OR2L13: variants seen among roughly 807,000 people sequenced by gnomAD.
The protein encoded by OR2L13 is olfactory receptor family 2 subfamily L member 13.
A neutral mutation model predicts 15.3 loss-of-function variants in OR2L13; 14 were observed. The observed-to-expected ratio is 0.91, with a 90% CI of 0.60 to 1.43. The LOEUF (loss-of-function observed/expected upper bound fraction) is 1.43, where lower values mean the gene tolerates loss of function less well. OR2L13 is among the 40% of genes most tolerant of loss of function. OR2L13 has a pLI of 0.00. For synonymous variants in OR2L13, 152 were observed against 142.9 expected (o/e 1.06, Z -0.45); for missense variants, 367 against 387.9 (o/e 0.95, Z 0.45).
the OR2L13 span, among the ~76,000 whole-genome samples, chr1:248,010,353 G>T: frequency 2.0e-5 from 3 of 152,036 alleles, no homozygotes; most frequent in Admixed American, 2.0e-4. Flanking sequence ...ATTATGTTGG[G>T]TCAGTTTAAG....
the OR2L13 span, chr1:248,042,141 G>A: frequency 6.6e-6 from 1 of 152,050 alleles, no homozygotes; most frequent in East Asian, 1.9e-4. Context: ...TTAAGAAAAT[G>A]TGGCACATAT....
At chr1:247,953,300 C>T in the OR2L13 span, among the ~76,000 whole-genome samples, 6 of 152,102 alleles carry the variant, frequency 3.9e-5, no homozygotes, top group East Asian at 1.9e-4. Flanking sequence ...GTTATTATTT[C>T]GCACTTCACA....
At chr1:248,069,298 G>A in the OR2L13 span, among the ~76,000 whole-genome samples, 3 of 152,206 alleles carry the variant, frequency 2.0e-5, no homozygotes, top group African/African-American at 7.2e-5. Flanking sequence ...CTTCAAGCCA[G>A]AAGAGAGTGG....
chr1:248,059,466 ATG>A, the OR2L13 span, among the ~76,000 whole-genome samples: 3 of 152,184 alleles, frequency 2.0e-5, no homozygotes, highest in Non-Finnish European at 4.4e-5. Context: ...AAAAGACAAA[ATG>A]TGTAACCTAT....
At chr1:248,099,378 G>A in exon 3 of OR2L13, 1 of 1,597,746 alleles carries the variant, frequency 6.3e-7, no homozygotes, top group Non-Finnish European at 8.6e-7. Flanking sequence ...AAGTTTTCAT[G>A]GAGAAATGGA....
chr1:247,957,792 C>G, the OR2L13 span, among the ~76,000 whole-genome samples: 5 of 151,818 alleles, frequency 3.3e-5, no homozygotes, highest in African/African-American at 9.7e-5. Context: ...GGTGATATAC[C>G]CTTTATCATT....
the OR2L13 span, chr1:248,083,415 G>T: frequency 2.1e-6 from 1 of 485,742 alleles, no homozygotes; most frequent in Non-Finnish European, 3.6e-6. Flanking sequence ...GTTGTTTTAG[G>T]ATACAAAGTA....
the OR2L13 span, among the ~76,000 whole-genome samples, chr1:248,019,010 A>G: frequency 6.6e-6 from 1 of 152,162 alleles, no homozygotes. Flanking sequence ...TAGTCCATGT[A>G]TGTACTCACT....
chr1:248,022,091 C>G, the OR2L13 span: 1 of 1,613,890 alleles, frequency 6.2e-7, no homozygotes, highest in Admixed American at 1.7e-5. Flanking sequence ...TTCTTCTCAT[C>G]TTCTTGGACA....
At chr1:247,951,894 C>T in the OR2L13 span, among the ~76,000 whole-genome samples, 1 of 152,176 alleles carries the variant, frequency 6.6e-6, no homozygotes, top group East Asian at 1.9e-4. Flanking sequence ...CTGTCATCAC[C>T]ATCAATATGA....
chr1:248,095,897 G>A (rs1356587619), upstream of OR2L13, among the ~76,000 whole-genome samples: 2 of 151,260 alleles, frequency 1.3e-5, no homozygotes, highest in East Asian at 2.0e-4. Flanking sequence ...GAGCCACTGC[G>A]CCTGGCCATA....
the OR2L13 span, among the ~76,000 whole-genome samples, chr1:248,082,788 TAA>T: frequency 1.3e-5 from 2 of 152,234 alleles, no homozygotes; most frequent in Non-Finnish European, 2.9e-5. Context: ...CAATTATGTA[TAA>T]GGTTGTTGAG....
In OR2L13 at chr1:248,098,157, T is replaced by C. The variant is rs959039884; in HGVS notation, c.-143-494T>C. 2.0e-5 allele frequency among the ~76,000 whole-genome samples: 3 copies of C among 152,244 alleles called. 1 individual carries two copies. Among genetic ancestry groups the C allele is most frequent in the African/African-American group, 7.2e-5 (3 of 41,462 alleles). On this transcript the variant is annotated intron_variant, in intron 1 of 2. Transcript: ENST00000641714. ...ATCTCTCTGCTTTTTTATTTTTCTA[T>C]AGAATCGTAATCACTACATAACATC...
chr1:248,075,672 T>C, the OR2L13 span, among the ~76,000 whole-genome samples: 3 of 152,242 alleles, frequency 2.0e-5, no homozygotes, highest in Non-Finnish European at 4.4e-5. Context: ...TGTCTGTTCA[T>C]ATCCTTTGCC....
chr1:247,978,760 C>G, the OR2L13 span, among the ~76,000 whole-genome samples: 1 of 152,004 alleles, frequency 6.6e-6, no homozygotes, highest in Non-Finnish European at 1.5e-5. Context: ...TCAGGATCCC[C>G]TCCTCCTCTG....
At chr1:247,959,959 C>T in the OR2L13 span, among the ~76,000 whole-genome samples, 5 of 152,152 alleles carry the variant, frequency 3.3e-5, no homozygotes, top group Non-Finnish European at 7.3e-5. Flanking sequence ...CATTCTCCGT[C>T]CAGCTTTGTT....
At chr1:248,060,647 G>C in the OR2L13 span, 2 of 1,537,412 alleles carry the variant, frequency 1.3e-6, no homozygotes, top group South Asian at 2.4e-5. Context: ...ACTTACCCTT[G>C]TGTCTCCCTT....
the OR2L13 span, among the ~76,000 whole-genome samples, chr1:247,983,799 G>A: frequency 6.6e-6 from 1 of 152,212 alleles, no homozygotes; most frequent in Non-Finnish European, 1.5e-5. Context: ...CGAGAACAAG[G>A]TCTGGTAGAA....
At chr1:248,096,974 T>C (rs1664754511), upstream of OR2L13, among the ~76,000 whole-genome samples, 1 of 152,220 alleles carries the variant, frequency 6.6e-6, no homozygotes, top group Non-Finnish European at 1.5e-5. Context: ...ATGGGGGCTC[T>C]GGACTGACTT....
Sources: gnomAD v4.1 joint callset for allele counts (sites outside exome capture counted in the v4.1 genomes callset) on GRCh38, gnomAD v4.1.1 for gene constraint, MANE v1.5 for transcripts, NCBI Gene and HGNC (gene_info 2026-07-23, HGNC 2026-07-21) for gene names.